ENTPD6: variants seen among roughly 807,000 people sequenced by gnomAD.
The protein encoded by ENTPD6 is ectonucleoside triphosphate diphosphohydrolase 6.
In ENTPD6, 46 loss-of-function variants were observed where a neutral mutation model predicts 61.5. The observed-to-expected ratio is 0.75, with a 90% confidence interval of 0.59 to 0.96. The LOEUF (loss-of-function observed/expected upper bound fraction) is 0.96, where lower values mean the gene tolerates loss of function less well. ENTPD6 is among the 40% of genes least tolerant of loss of function. ENTPD6 has a pLI of 0.00. For synonymous variants in ENTPD6, 252 were observed against 255.5 expected (o/e 0.99, Z 0.13); for missense variants, 612 against 629.0 (o/e 0.97, Z 0.29).
chr20:25,224,252 T>A, intron 13 of ENTPD6, 95 bp downstream of exon 13: 1 of 1,103,188 alleles, frequency 9.1e-7, no homozygotes, highest in Non-Finnish European at 1.3e-6. Context: ...GTGTAGCCCC[T>A]CCTAAACAAT....
Position 25,224,152 on chromosome 20 carries a change from A to G in ENTPD6, c.1238A>G (p.Lys413Arg), listed in dbSNP as rs778856750. 3 of 1,611,918 alleles carry G rather than the reference A, an allele frequency of 1.9e-6. No homozygotes were observed. Among genetic ancestry groups the G allele is most frequent in the South Asian group, 2.2e-5 (2 of 90,690 alleles). The part of the protein sequence containing the change: ...LVVGDFEIAA[K>R]YVCRTLETQP... ...GTGGGGGACTTCGAGATCGCAGCCAAGTACGGTGAGTGATGCTGCAGGGGC... is the reference window on the plus strand; with the variant it reads ...GTGGGGGACTTCGAGATCGCAGCCAGGTACGGTGAGTGATGCTGCAGGGGC... Residue 413 changes from lysine to arginine, a missense_variant, in exon 13 of 15, where the codon AAG (lysine) becomes AGG (arginine). By Grantham distance (26) the Lys-to-Arg change is conservative. Transcript: ENST00000376652.
chr20:25,203,062 G>A (rs1323443113), intron 1 of ENTPD6, among the ~76,000 whole-genome samples: 2 of 152,210 alleles, frequency 1.3e-5, no homozygotes, highest in Non-Finnish European at 2.9e-5. Flanking sequence ...TCTGTTGACA[G>A]ATTTTTTTGT....
At chr20:25,219,457 C>T (rs2092528538) in intron 10 of ENTPD6, among the ~76,000 whole-genome samples, 1 of 152,258 alleles carries the variant, frequency 6.6e-6, no homozygotes, top group African/African-American at 2.4e-5. Flanking sequence ...TTGGCCCTTC[C>T]TGAGACATGG....
chr20:25,222,603 C>T (rs1568652096), intron 11 of ENTPD6: 2 of 478,982 alleles, frequency 4.2e-6, no homozygotes, highest in South Asian at 3.0e-5. Context: ...CCGCTGCCTT[C>T]GTGCCCACGG....
chr20:25,209,122 T>A (rs946182469), intron 3 of ENTPD6, among the ~76,000 whole-genome samples: 12 of 150,336 alleles, frequency 8.0e-5, no homozygotes, highest in African/African-American at 2.9e-4. Flanking sequence ...TTAATTTTTT[T>A]TTTTTGAGAT....
intron 4 of ENTPD6, among the ~76,000 whole-genome samples, chr20:25,211,481 T>G (rs1479996046): frequency 1.3e-5 from 2 of 152,232 alleles, no homozygotes; most frequent in Non-Finnish European, 2.9e-5. Flanking sequence ...TAGCATCCTT[T>G]GAGGCTGGTT....
chr20:25,210,030 G>A, intron 4 of ENTPD6, 105 bp downstream of exon 4: 1 of 1,038,192 alleles, frequency 9.6e-7, no homozygotes, highest in Admixed American at 1.7e-5. Context: ...AGGGGGCTTT[G>A]ACAGTGCTGC....
Position 25,227,971 on chromosome 20 carries a change from C to T in ENTPD6, c.*2374C>T, listed in dbSNP as rs1007534537. On this transcript the variant is annotated 3_prime_UTR_variant, in exon 15 of 15. Coordinates refer to ENST00000376652, the MANE Select transcript of ENTPD6 (RefSeq NM_001247.5). ...ATCGGGTATATCTAAGTTGTATTTC[C>T]GTGAAACATCTGTTCATATCCCTTG... Among the ~76,000 whole-genome samples, 5 of 152,146 alleles carry T rather than the reference C, an allele frequency of 3.3e-5. No individual in the cohort carries two copies. The highest frequency in any genetic ancestry group is 9.7e-5 in the African/African-American group (4 of 41,412).
In ENTPD6 at chr20:25,207,042, C is replaced by T. The variant is rs529913279; in HGVS notation, c.55-34C>T. ...CTCTCCTTGGATCCTAGCACCCTAA[C>T]GTGCTTTTCCTGCCTCTCCCCCCTT... On this transcript the variant is annotated intron_variant, in intron 2 of 14. Transcript: ENST00000376652. The T allele has an allele frequency of 6.0e-5, 94 of 1,563,636 alleles. 1 individual carries two copies. The highest frequency in any genetic ancestry group is 1.1e-4 in the African/African-American group (8 of 74,192).
rs201392452 is a variant in ENTPD6 at position 25,207,179 on chromosome 20, T to C, written c.158T>C (p.Val53Ala). ...TACCCCCTGGGGCTGTGTGTGGGCG[T>C]GTTCATCTATGTTGCCTACATCAAG... ...VAYPLGLCVG[V>A]FIYVAYIKWH... is the part of the protein sequence containing the mutation. The change falls in exon 3 of 15, where the codon GTG becomes GCG. Residue 53 changes from valine (V) to alanine (A), a missense_variant. By Grantham distance (64) the Val-to-Ala change is moderately conservative. Coordinates refer to ENST00000376652, the MANE Select transcript of ENTPD6 (RefSeq NM_001247.5). 108 of 1,613,882 alleles carry C rather than the reference T, an allele frequency of 6.7e-5. No individual in the cohort carries two copies. The highest frequency in any genetic ancestry group is 3.3e-4 in the Middle Eastern group (2 of 6,062).
At position 25,207,192 on chromosome 20, in the gene ENTPD6, T is replaced by A; in HGVS notation, c.171T>A (p.Val57=). 1 of 1,614,098 alleles carries A rather than the reference T, an allele frequency of 6.2e-7. No homozygotes were observed. Among genetic ancestry groups the A allele is most frequent in the South Asian group, 1.1e-5 (1 of 91,088 alleles). The change falls in exon 3 of 15, where the codon GTT becomes GTA. Residue 57 remains valine, a synonymous_variant. Transcript: ENST00000376652. ...LGLCVGVFIY[V]AYIKWHRATA... is the part of the protein sequence containing the mutation. Reference sequence around the variant, plus strand: ...TGTGTGTGGGCGTGTTCATCTATGTTGCCTACATCAAGTGGCACCGGGCCA... The same window carrying A: ...TGTGTGTGGGCGTGTTCATCTATGTAGCCTACATCAAGTGGCACCGGGCCA...
rs762543921 is a variant in ENTPD6, at chr20:25,222,835, C to T, written c.1046-3C>T. ...TGACCGCTAGCCTTGTGCTTGTCCC[C>T]AGCGGCAAGCCTGCACGAGCTGTGT... On this transcript the variant is annotated splice_polypyrimidine_tract_variant and splice_region_variant and intron_variant, in intron 11 of 14. Transcript: ENST00000376652. 2 of 1,613,614 alleles carry T rather than the reference C, an allele frequency of 1.2e-6. No homozygotes were observed. Among genetic ancestry groups the T allele is most frequent in the South Asian group, 2.2e-5 (2 of 91,068 alleles).
In ENTPD6 at chr20:25,227,295, A is replaced by G. The variant is rs8115257; in HGVS notation, c.*1698A>G. Reference sequence around the variant, plus strand: ...TCCCTCCCGCCTGGGCTGGGTCCCCACCAGCGCCTTTACTTCCATAATATC... The same window carrying G: ...TCCCTCCCGCCTGGGCTGGGTCCCCGCCAGCGCCTTTACTTCCATAATATC... On this transcript the variant is annotated 3_prime_UTR_variant, in exon 15 of 15. Coordinates refer to ENST00000376652, the MANE Select transcript of ENTPD6 (RefSeq NM_001247.5). Among the ~76,000 whole-genome samples the G allele has an allele frequency of 0.54, 82,557 of 152,136 alleles. 23,280 individuals are homozygous for G. Among genetic ancestry groups the G allele is most frequent in the East Asian group, 0.92 (4,778 of 5,186 alleles).
intron 1 of ENTPD6, among the ~76,000 whole-genome samples, chr20:25,198,739 C>T (rs1327772684): frequency 2.5e-5 from 2 of 80,986 alleles, no homozygotes; most frequent in African/African-American, 6.5e-5. Flanking sequence ...TGCCACGTCT[C>T]TTCTCCCAGT....
At chr20:25,224,071 C>T (rs771418901) in intron 12 of ENTPD6, 30 bp from the exon 13 acceptor site, 2 of 1,606,080 alleles carry the variant, frequency 1.2e-6, no homozygotes, top group Non-Finnish European at 1.7e-6. Context: ...TCACAGTGCT[C>T]CTGCAGACTG....
Position 25,207,177 on chromosome 20 carries a change from C to T in ENTPD6, c.156C>T (p.Gly52=), listed in dbSNP as rs559659997. The change falls in exon 3 of 15, where the codon GGC becomes GGT. Residue 52 remains glycine (G), a synonymous_variant. Coordinates refer to ENST00000376652, the MANE Select transcript of ENTPD6 (RefSeq NM_001247.5). ...KVAYPLGLCV[G]VFIYVAYIKW... is the part of the protein sequence containing the mutation. The stretch of plus-strand genomic sequence containing the variant: ...CATACCCCCTGGGGCTGTGTGTGGG[C>T]GTGTTCATCTATGTTGCCTACATCA... 1.1e-5 allele frequency: 18 copies of T among 1,614,062 alleles called. No individual in the cohort carries two copies. The East Asian group carries it at 1.8e-4, about 16-fold the overall frequency.
intron 11 of ENTPD6, chr20:25,221,800 C>A (rs546339599): frequency 3.9e-6 from 1 of 255,154 alleles, no homozygotes; most frequent in African/African-American, 2.2e-5. Context: ...AATGTTCAAA[C>A]GCCATTCCCA....
At chr20:25,215,434 G>A (rs546554145) in intron 6 of ENTPD6, among the ~76,000 whole-genome samples, 1 of 152,330 alleles carries the variant, frequency 6.6e-6, no homozygotes, top group South Asian at 2.1e-4. Context: ...AACCAGAGGA[G>A]AGACGCAGCA....
intron 6 of ENTPD6, 48 bp downstream of exon 6, chr20:25,214,990 G>A: frequency 7.7e-7 from 1 of 1,290,998 alleles, no homozygotes; most frequent in Non-Finnish European, 1.1e-6. Context: ...GCAGTGAGGT[G>A]GGTGGGAGCA....
Sources: gnomAD v4.1 joint callset for allele counts (sites outside exome capture counted in the v4.1 genomes callset) on GRCh38, gnomAD v4.1.1 for gene constraint, MANE v1.5 for transcripts, NCBI Gene and HGNC (gene_info 2026-07-23, HGNC 2026-07-21) for gene names.